YEATS2: variants seen among roughly 807,000 people sequenced by gnomAD.
YEATS2 encodes YEATS domain containing 2.
A neutral mutation model predicts 163.2 loss-of-function variants in YEATS2; 77 were observed. The ratio of observed to expected loss-of-function variants is 0.47; its 90% CI spans 0.39 to 0.57. The LOEUF (loss-of-function observed/expected upper bound fraction) is 0.57, where lower values mean the gene tolerates loss of function less well. Among genes scored for constraint, YEATS2 ranks in the 20% least tolerant of loss-of-function variants. The pLI, the probability that YEATS2 is intolerant of heterozygous loss-of-function variation, is 0.00. For synonymous variants in YEATS2, 631 were observed against 645.1 expected, an observed-to-expected ratio of 0.98 and a Z score of 0.33; for missense variants, 1,549 against 1,729.8, an observed-to-expected ratio of 0.90 and a Z score of 1.85.
chr3:183,721,531 T>C (rs528815897), intron 4 of YEATS2, among the ~76,000 whole-genome samples: 1 of 152,390 alleles, frequency 6.6e-6, no homozygotes, highest in African/African-American at 2.4e-5. Context: ...TGTATTTTTA[T>C]ATTTCTTTCA....
chr3:183,789,879 A>G (rs2108477061), intron 20 of YEATS2, among the ~76,000 whole-genome samples: 1 of 152,080 alleles, frequency 6.6e-6, no homozygotes, highest in Admixed American at 6.6e-5. Flanking sequence ...GTAGACACCA[A>G]ACTTTATTCT....
At chr3:183,776,560 T>C (rs945113766) in intron 18 of YEATS2, among the ~76,000 whole-genome samples, 1 of 152,012 alleles carries the variant, frequency 6.6e-6, no homozygotes, top group South Asian at 2.1e-4. Context: ...AAAAAAACTA[T>C]GTGTTTTTAT....
intron 21 of YEATS2, among the ~76,000 whole-genome samples, chr3:183,795,195 A>G (rs1725024457): frequency 6.6e-6 from 1 of 151,634 alleles, no homozygotes; most frequent in Non-Finnish European, 1.5e-5. Flanking sequence ...GAAAAAGAAA[A>G]AAAGAATAAA....
At chr3:183,787,368 C>A (rs1724164599) in intron 20 of YEATS2, among the ~76,000 whole-genome samples, 1 of 152,164 alleles carries the variant, frequency 6.6e-6, no homozygotes, top group Non-Finnish European at 1.5e-5. Flanking sequence ...CAAACTCACC[C>A]AAACTTGTTC....
At chr3:183,730,893 T>C (rs547537540) in intron 7 of YEATS2, among the ~76,000 whole-genome samples, 1 of 152,192 alleles carries the variant, frequency 6.6e-6, no homozygotes, top group Admixed American at 6.5e-5. Context: ...AGAATATACG[T>C]ATATAAGAGC....
intron 1 of YEATS2, among the ~76,000 whole-genome samples, chr3:183,702,095 C>T (rs954168748): frequency 1.3e-5 from 2 of 152,190 alleles, no homozygotes. Context: ...GAAGTGAACT[C>T]CAGCCTTCGA....
chr3:183,706,760 G>T (rs566546270), intron 1 of YEATS2, among the ~76,000 whole-genome samples: 1 of 152,112 alleles, frequency 6.6e-6, no homozygotes, highest in Admixed American at 6.5e-5. Flanking sequence ...AGGTTGCCGC[G>T]AGCTGAGATT....
chr3:183,756,570 C>A lies in YEATS2; in HGVS notation c.1433C>A (p.Thr478Asn), dbSNP rs755537746. 1 of 1,605,088 alleles carries A rather than the reference C, an allele frequency of 6.2e-7. No homozygotes were observed. The highest frequency in any genetic ancestry group is 8.5e-7 in the Non-Finnish European group (1 of 1,176,058). ...STPSPSPLPR[T>N]PTSTPVHVKQ... Reference sequence around the variant, plus strand: ...CCAAGCCCATCACCATTGCCTCGAACCCCGACTTCCACTCCAGTCCACGTG... The same window carrying A: ...CCAAGCCCATCACCATTGCCTCGAAACCCGACTTCCACTCCAGTCCACGTG... Residue 478 changes from threonine (T) to asparagine (N), a missense_variant, in exon 12 of 31, where the codon ACC becomes AAC. Physicochemically the swap from Thr to Asn is moderately conservative, Grantham distance 65. Transcript: ENST00000305135.
intron 7 of YEATS2, among the ~76,000 whole-genome samples, chr3:183,734,932 G>A (rs941461880): frequency 6.6e-6 from 1 of 152,178 alleles, no homozygotes; most frequent in Non-Finnish European, 1.5e-5. Context: ...GTCCTTTATT[G>A]TGTGAAGTAA....
rs746451361 is a variant in YEATS2 at position 183,776,014 on chromosome 3, C to CAGG, written c.2482_2484dup (p.Gly828dup). The CAGG allele has an allele frequency of 8.1e-6, 13 of 1,601,346 alleles. No individual in the cohort carries two copies. Among genetic ancestry groups the CAGG allele is most frequent in the Non-Finnish European group, 1.1e-5 (13 of 1,170,954 alleles). ...AGTGGCAGCGGTGGAGGCGGCAGCACAGGAGGAGGAGGAGGAACAGCAGGA... is the reference window on the plus strand; with the variant it reads ...AGTGGCAGCGGTGGAGGCGGCAGCACAGGAGGAGGAGGAGGAGGAACAGCAGGA... On this transcript the variant is annotated inframe_insertion, in exon 18 of 31. Coordinates refer to ENST00000305135, the MANE Select transcript of YEATS2 (RefSeq NM_018023.5).
rs956135600 is a variant in YEATS2, at chr3:183,790,396, CTGTAGATGTTTGTTCAA to C, written c.2914-398_2914-382del. Among the ~76,000 whole-genome samples the C allele has an allele frequency of 1.8e-4, 21 of 117,148 alleles. 1 individual carries two copies. Among genetic ancestry groups the C allele is most frequent in the Admixed American group, 7.4e-4 (8 of 10,806 alleles). The allele number at this position is 117,148 out of a possible 152,430, so 76.9% of individuals were successfully genotyped here. On this transcript the variant is annotated intron_variant, in intron 20 of 30. Transcript: ENST00000305135. ...GATGTTTGTTCAATGAAGTGACAGACTGTAGATGTTTGTTCAATGAAGTGAATCATTGTCATGTGTTC... is the reference window on the plus strand; with the variant it reads ...GATGTTTGTTCAATGAAGTGACAGACTGAAGTGAATCATTGTCATGTGTTC...
Position 183,787,332 on chromosome 3 carries a change from G to A in YEATS2, c.2913+1031G>A, listed in dbSNP as rs151292192. ...TACATTATTTTAGATTCTCACCAGC[G>A]ATATACAAGGGTTCCAGTTTTTCCA... On this transcript the variant is annotated intron_variant, in intron 20 of 30. Coordinates refer to ENST00000305135, the MANE Select transcript of YEATS2 (RefSeq NM_018023.5). 2.6e-5 allele frequency among the ~76,000 whole-genome samples: 4 copies of A among 152,148 alleles called. No individual in the cohort carries two copies. The East Asian group carries it at 5.8e-4, about 22-fold the overall frequency.
chr3:183,717,928 C>G (rs1242306394), intron 3 of YEATS2, among the ~76,000 whole-genome samples, 180 bp downstream of exon 3: 1 of 143,370 alleles, frequency 7.0e-6, no homozygotes. Context: ...TTAAATAGTG[C>G]AATTGCAGAA....
At chr3:183,759,108 C>T (rs929426895) in intron 13 of YEATS2, 143 bp downstream of exon 13, 1 of 582,100 alleles carries the variant, frequency 1.7e-6, no homozygotes, top group Admixed American at 4.0e-5. Flanking sequence ...TGCCACCTCA[C>T]CTGCCAGGGT....
chr3:183,787,920 A>G (rs1404254710), intron 20 of YEATS2, among the ~76,000 whole-genome samples: 1 of 151,880 alleles, frequency 6.6e-6, no homozygotes, highest in African/African-American at 2.4e-5. Context: ...GGAGAATGGC[A>G]TGAACCCAGG....
chr3:183,803,747 G>A (rs1335518904), intron 26 of YEATS2: 8 of 535,338 alleles, frequency 1.5e-5, no homozygotes, highest in East Asian at 3.4e-5. Flanking sequence ...GTGGGAGAGC[G>A]CAGGTGGAGA....
At position 183,810,906 on chromosome 3, in the gene YEATS2, T is replaced by G; in HGVS notation, c.*323T>G. On this transcript the variant is annotated 3_prime_UTR_variant, in exon 31 of 31. Transcript: ENST00000305135. Reference sequence around the variant, plus strand: ...TCAGGCCCTTCTCCCTGGGTGTGCTTAAGGGGGCTCCTTGGGCCCGCCTCC... The same window carrying G: ...TCAGGCCCTTCTCCCTGGGTGTGCTGAAGGGGGCTCCTTGGGCCCGCCTCC... 3.9e-6 allele frequency: 1 copy of G among 258,638 alleles called. No homozygotes were observed. 16.0% of individuals were successfully genotyped at this position (258,638 alleles called of 1,614,324 possible). A position where few individuals can be genotyped will look rare whatever the true frequency, so the allele number is the denominator to read the frequency against.
At chr3:183,762,461 T>C (rs899499660) in intron 15 of YEATS2, among the ~76,000 whole-genome samples, 182 bp downstream of exon 15, 2 of 152,230 alleles carry the variant, frequency 1.3e-5, no homozygotes, top group Non-Finnish European at 2.9e-5. Flanking sequence ...GTAGTAATCA[T>C]TGGCAAGAGC....
intron 4 of YEATS2, among the ~76,000 whole-genome samples, chr3:183,720,328 A>C (rs553205662): frequency 2.0e-4 from 31 of 152,286 alleles, no homozygotes; most frequent in African/African-American, 7.5e-4. Flanking sequence ...CTGAAATAGG[A>C]GTATTTCTTC....
Sources: allele counts gnomAD v4.1 joint callset (sites outside exome capture counted in the v4.1 genomes callset), GRCh38; gene constraint gnomAD v4.1.1; transcripts MANE v1.5; gene names NCBI Gene and HGNC (gene_info 2026-07-23, HGNC 2026-07-21).